ZNF133: variants seen among roughly 807,000 people sequenced by gnomAD.
ZNF133 encodes zinc finger protein 133.
ZNF133 carries 26 observed loss-of-function variants against 54.9 expected under a neutral mutation model. That is an observed-to-expected ratio of 0.47 (90% CI 0.35 to 0.66). ZNF133 has a LOEUF of 0.66. Ranked by LOEUF, ZNF133 falls within the 30% of genes least tolerant of loss-of-function variation. The pLI is 0.01. For missense variants in ZNF133, 653 were observed against 820.8 expected (o/e 0.80, Z 2.50); for synonymous variants, 298 against 320.3 (o/e 0.93, Z 0.74).
At chr20:18,297,934 G>A in intron 1 of ZNF133, 51 bp from the exon 2 acceptor site, 1 of 1,244,186 alleles carries the variant, frequency 8.0e-7, no homozygotes, top group Non-Finnish European at 1.1e-6. Context: ...CTTCACTCAT[G>A]GGGAGAGCAT....
At chr20:18,306,830 G>T (rs1215384324) in intron 6 of ZNF133, 3 of 1,140,756 alleles carry the variant, frequency 2.6e-6, no homozygotes, top group African/African-American at 3.4e-5. Context: ...AGCTATTCAA[G>T]AATGGCTTTT....
intron 6 of ZNF133, chr20:18,314,130 G>T (rs890741631): frequency 6.6e-6 from 1 of 152,222 alleles, no homozygotes. Flanking sequence ...ATTTCGCGTA[G>T]CATGGAATAA....
In ZNF133 at chr20:18,316,424, C is replaced by T. The variant is rs201405771; in HGVS notation, c.1573C>T (p.Arg525Ter). ...THSGERPYVC[R>*]ECGRGFSHQA... ...CTCAGGGGAGAGGCCGTATGTGTGC[C>T]GAGAGTGCGGGCGAGGCTTTAGCCA... Residue 525 changes from arginine (R) to a stop codon, truncating the protein, a stop_gained, in exon 7 of 7, where the codon CGA becomes TGA. Coordinates refer to ENST00000425686, the MANE Select transcript of ZNF133 (RefSeq NM_001352452.2). LOFTEE classifies it high-confidence loss of function. 9.9e-6 allele frequency: 16 copies of T among 1,611,792 alleles called. No homozygotes were observed. The highest frequency in any genetic ancestry group is 1.2e-5 in the Non-Finnish European group (14 of 1,179,342).
intron 1 of ZNF133, among the ~76,000 whole-genome samples, chr20:18,294,738 C>T (rs2041878665): frequency 6.6e-6 from 1 of 152,102 alleles, no homozygotes; most frequent in Non-Finnish European, 1.5e-5. Context: ...CATGACTTCT[C>T]CTTACATCTA....
chr20:18,302,994 G>C (rs551907669), intron 3 of ZNF133, among the ~76,000 whole-genome samples: 37 of 150,844 alleles, frequency 2.5e-4, no homozygotes, highest in Non-Finnish European at 4.4e-4. Context: ...AAATACTGCT[G>C]AAAGAAAGAT....
At chr20:18,293,972 G>A (rs572711085) in intron 1 of ZNF133, among the ~76,000 whole-genome samples, 1 of 152,200 alleles carries the variant, frequency 6.6e-6, no homozygotes, top group South Asian at 2.1e-4. Context: ...AATAACTATT[G>A]CAGATAGGTT....
rs2044362243 is a variant in ZNF133 at position 18,305,417 on chromosome 20, CT to C, written c.-7+240del. ...ATATGTTGCTTGCTCTTCTGTCTGCCTAGATTTAAAGTTCCCAAAATGTAGG... is the reference window on the plus strand; with the variant it reads ...ATATGTTGCTTGCTCTTCTGTCTGCCAGATTTAAAGTTCCCAAAATGTAGG... On this transcript the variant is annotated intron_variant, in intron 4 of 6. Coordinates refer to ENST00000425686, the MANE Select transcript of ZNF133 (RefSeq NM_001352452.2). The surrounding 1 kb of genome is among the most constrained non-coding windows in gnomAD (Gnocchi z 4.7). 6.6e-6 allele frequency among the ~76,000 whole-genome samples: 1 copy of C among 152,156 alleles called. No individual in the cohort carries two copies. The highest frequency in any genetic ancestry group is 1.5e-5 in the Non-Finnish European group (1 of 68,040).
chr20:18,315,259 G>A lies in ZNF133; in HGVS notation c.408G>A (p.Gly136=). 1.2e-6 allele frequency: 2 copies of A among 1,614,090 alleles called. No individual in the cohort carries two copies. Among genetic ancestry groups the A allele is most frequent in the Non-Finnish European group, 1.7e-6 (2 of 1,180,018 alleles). Residue 136 remains glycine (G), a synonymous_variant, in exon 7 of 7, where the codon GGG becomes GGA. Transcript: ENST00000425686. ...AGAAGCAGCAACAAGCCTCTGAGGG[G>A]AGACCCTGGAGTGATCAAGCAGAAG... ...DQEKQQQASE[G]RPWSDQAEGP...
At chr20:18,304,517 TGTA>T (rs1362343434) in intron 3 of ZNF133, among the ~76,000 whole-genome samples, 1 of 152,200 alleles carries the variant, frequency 6.6e-6, no homozygotes, top group Non-Finnish European at 1.5e-5. Flanking sequence ...ATAAACAAAA[TGTA>T]GTATATACAC....
chr20:18,303,781 G>A (rs1325987658), intron 3 of ZNF133, among the ~76,000 whole-genome samples: 2 of 152,104 alleles, frequency 1.3e-5, no homozygotes, highest in African/African-American at 2.4e-5. Flanking sequence ...CACCATATAC[G>A]CAAATTAACT....
At chr20:18,292,783 C>G (rs1455553600) in intron 1 of ZNF133, among the ~76,000 whole-genome samples, 2 of 152,168 alleles carry the variant, frequency 1.3e-5, no homozygotes, top group African/African-American at 4.8e-5. Flanking sequence ...AAAATAGTGC[C>G]TATCACACAG....
chr20:18,315,222 C>T lies in ZNF133; in HGVS notation c.371C>T (p.Pro124Leu). The change falls in exon 7 of 7, where the codon CCA becomes CTA. Residue 124 changes from proline (P) to leucine (L), a missense_variant. Pro to Leu is a moderately conservative substitution (Grantham distance 98). Coordinates refer to ENST00000425686, the MANE Select transcript of ZNF133 (RefSeq NM_001352452.2). The part of the protein sequence containing the change: ...EGNIQPGDPG[P>L]GDQEKQQQAS... ...AACATCCAGCCTGGGGATCCGGGCC[C>T]AGGGGACCAGGAGAAGCAGCAACAA... 3.1e-6 allele frequency: 5 copies of T among 1,614,034 alleles called. No individual in the cohort carries two copies. Among genetic ancestry groups the T allele is most frequent in the Non-Finnish European group, 4.2e-6 (5 of 1,179,972 alleles).
At chr20:18,298,151 G>T in intron 2 of ZNF133, 89 bp downstream of exon 2, 1 of 1,527,488 alleles carries the variant, frequency 6.5e-7, no homozygotes, top group Non-Finnish European at 8.8e-7. Flanking sequence ...GCCTAGTAGA[G>T]TTCAGCTCCA....
chr20:18,305,595 C>T lies in ZNF133; in HGVS notation c.-6-86C>T. ...TGGGATCTTGATATCTCACCTGCCT[C>T]CCCCAGGGCAGCCTTATCCCTGCCC... is the stretch of plus-strand genomic sequence containing the variant. On this transcript the variant is annotated intron_variant, in intron 4 of 6. Coordinates refer to ENST00000425686, the MANE Select transcript of ZNF133 (RefSeq NM_001352452.2). The surrounding 1 kb of genome is among the most constrained non-coding windows in gnomAD (Gnocchi z 4.7). 1.3e-6 allele frequency: 2 copies of T among 1,592,720 alleles called. No individual in the cohort carries two copies. Among genetic ancestry groups the T allele is most frequent in the Non-Finnish European group, 1.7e-6 (2 of 1,168,674 alleles).
chr20:18,306,070 T>C (rs1001674635), intron 5 of ZNF133, among the ~76,000 whole-genome samples: 1 of 152,210 alleles, frequency 6.6e-6, no homozygotes, highest in African/African-American at 2.4e-5. Flanking sequence ...CTATGTTAAC[T>C]TGTTTTAAAT....
At chr20:18,306,145 C>T in intron 5 of ZNF133, 153 bp from the exon 6 acceptor site, 1 of 673,922 alleles carries the variant, frequency 1.5e-6, no homozygotes, top group Non-Finnish European at 2.5e-6. Flanking sequence ...GTTCACTGCC[C>T]ACTCATCCCT....
Position 18,305,323 on chromosome 20 carries a change from T to C in ZNF133, c.-7+145T>C, listed in dbSNP as rs1222176859. 1 of 530,010 alleles carries C rather than the reference T, an allele frequency of 1.9e-6. No individual in the cohort carries two copies. Among genetic ancestry groups the C allele is most frequent in the African/African-American group, 2.1e-5 (1 of 48,334 alleles). 32.8% of individuals were successfully genotyped at this position (530,010 alleles called of 1,614,324 possible). On this transcript the variant is annotated intron_variant, in intron 4 of 6. Transcript: ENST00000425686. This position sits in a 1 kb window ranked among gnomAD's most constrained non-coding sequence, Gnocchi z 4.7. ...ATTTTGAGGAATTACTGAGTTATAG[T>C]GGACTATTTGATCTTTTAAATTCTT...
chr20:18,295,292 T>A (rs1215086733), intron 1 of ZNF133: 1 of 152,306 alleles, frequency 6.6e-6, no homozygotes, highest in East Asian at 1.9e-4. Context: ...CTCCCCTATG[T>A]GGGATGGTCA....
intron 1 of ZNF133, among the ~76,000 whole-genome samples, chr20:18,294,614 C>T (rs2146960595): frequency 6.7e-6 from 1 of 149,958 alleles, no homozygotes; most frequent in South Asian, 2.1e-4. Flanking sequence ...AAATTTGTTA[C>T]AAAATAAAAA....
Sources: gnomAD v4.1 joint callset for allele counts (sites outside exome capture counted in the v4.1 genomes callset) on GRCh38, gnomAD v4.1.1 for gene constraint, Gnocchi (gnomAD v3.1) non-coding constraint, MANE v1.5 for transcripts, NCBI Gene and HGNC (gene_info 2026-07-23, HGNC 2026-07-21) for gene names.